Variants in GPHN observed in about 807,000 individuals in gnomAD.
GPHN encodes gephyrin.
A neutral mutation model predicts 95.5 loss-of-function variants in GPHN; 17 were observed. That is an observed-to-expected ratio of 0.18 (90% confidence interval 0.12 to 0.27). GPHN has a LOEUF of 0.27. GPHN is among the 10% of genes least tolerant of loss of function. The probability of loss-of-function intolerance (pLI) is 1.00; values close to 1 mark genes in which losing one functional copy is unlikely to be tolerated. For missense variants in GPHN, 660 were observed against 978.1 expected (o/e 0.67, Z 4.34); for synonymous variants, 320 against 322.5 (o/e 0.99, Z 0.08).
At chr14:67,395,168 C>T in the GPHN span, among the ~76,000 whole-genome samples, 76 of 152,126 alleles carry the variant, frequency 5.0e-4, no homozygotes, top group Non-Finnish European at 9.3e-4. Context: ...TGGAGGTGTG[C>T]AGAGGTGGCA....
chr14:67,502,447 A>T, the GPHN span, among the ~76,000 whole-genome samples: 1 of 136,470 alleles, frequency 7.3e-6, no homozygotes, highest in African/African-American at 2.6e-5. Context: ...ATCACCCAGA[A>T]GGTGATTTCT....
chr14:67,261,812 T>A, the GPHN span, among the ~76,000 whole-genome samples: 1 of 152,080 alleles, frequency 6.6e-6, no homozygotes, highest in Non-Finnish European at 1.5e-5. Flanking sequence ...GTTACCACAA[T>A]CAGGTACTAA....
At chr14:67,254,645 G>A in the GPHN span, among the ~76,000 whole-genome samples, 1 of 152,130 alleles carries the variant, frequency 6.6e-6, no homozygotes, top group Non-Finnish European at 1.5e-5. Flanking sequence ...GATAGCACCA[G>A]ATATGAGTCC....
intron 11 of GPHN, among the ~76,000 whole-genome samples, chr14:67,088,721 A>C (rs146324093): frequency 6.6e-6 from 1 of 152,348 alleles, no homozygotes; most frequent in African/African-American, 2.4e-5. Flanking sequence ...ACATCAACTG[A>C]GCACATCTTT....
chr14:66,943,531 T>G (rs1484738263), intron 8 of GPHN, among the ~76,000 whole-genome samples: 1 of 152,244 alleles, frequency 6.6e-6, no homozygotes, highest in Non-Finnish European at 1.5e-5. Context: ...ACCTAGCACC[T>G]GACCTGCATA....
At chr14:66,754,731 C>T (rs2058497039) in intron 2 of GPHN, among the ~76,000 whole-genome samples, 1 of 151,882 alleles carries the variant, frequency 6.6e-6, no homozygotes, top group Admixed American at 6.6e-5. Context: ...CTAATTTTTC[C>T]TCCATTAAAA....
the GPHN span, among the ~76,000 whole-genome samples, chr14:67,595,851 G>A: frequency 6.6e-6 from 1 of 152,220 alleles, no homozygotes; most frequent in South Asian, 2.1e-4. Context: ...GACAAGAGCC[G>A]GAATCAAATG....
chr14:66,864,323 G>A (rs2063147961), intron 4 of GPHN, among the ~76,000 whole-genome samples: 1 of 152,124 alleles, frequency 6.6e-6, no homozygotes, highest in African/African-American at 2.4e-5. Flanking sequence ...AACAAATACT[G>A]GTGAGGACTA....
intron 1 of GPHN, among the ~76,000 whole-genome samples, chr14:66,511,182 A>T (rs2058027801): frequency 6.6e-6 from 1 of 152,146 alleles, no homozygotes. Context: ...GTCTTGCCTG[A>T]TATACCATAT....
At chr14:67,164,122 G>C (rs1356984839) in intron 19 of GPHN, among the ~76,000 whole-genome samples, 1 of 151,686 alleles carries the variant, frequency 6.6e-6, no homozygotes, top group Non-Finnish European at 1.5e-5. Flanking sequence ...AACAAAATTA[G>C]CCGGGCGTGG....
the GPHN span, among the ~76,000 whole-genome samples, chr14:67,673,139 T>TA: frequency 1.6e-4 from 24 of 152,326 alleles, no homozygotes; most frequent in Middle Eastern, 6.8e-3. Context: ...GGTCAGGAGT[T>TA]AGAGATCAGC....
chr14:67,102,717 T>G (rs1305295137), intron 13 of GPHN, among the ~76,000 whole-genome samples: 1 of 152,120 alleles, frequency 6.6e-6, no homozygotes, highest in Non-Finnish European at 1.5e-5. Flanking sequence ...ATAATAATTT[T>G]TAAAATGAAG....
chr14:67,329,034 T>TGG, the GPHN span, among the ~76,000 whole-genome samples: 1 of 152,216 alleles, frequency 6.6e-6, no homozygotes, highest in Admixed American at 6.5e-5. Context: ...GGTAGCTTGA[T>TGG]GGGGATGGCA....
chr14:67,177,500 A>G (rs1318959288), intron 21 of GPHN, among the ~76,000 whole-genome samples: 1 of 152,174 alleles, frequency 6.6e-6, no homozygotes, highest in Non-Finnish European at 1.5e-5. Context: ...ACTTCCAATT[A>G]TGTGGTCAAT....
At chr14:67,644,320 T>C in the GPHN span, among the ~76,000 whole-genome samples, 1 of 152,224 alleles carries the variant, frequency 6.6e-6, no homozygotes. Context: ...GTATTATTAT[T>C]ATCCCTATCT....
chr14:66,623,928 C>T (rs2063416479), intron 1 of GPHN, among the ~76,000 whole-genome samples: 1 of 152,154 alleles, frequency 6.6e-6, no homozygotes, highest in Admixed American at 6.5e-5. Flanking sequence ...AGCGAGGTTG[C>T]TTTCCAAATA....
chr14:66,818,814 C>T (rs542744178), intron 3 of GPHN, among the ~76,000 whole-genome samples: 1,928 of 152,064 alleles, frequency 0.013, 20 homozygotes, highest in Non-Finnish European at 0.018. Flanking sequence ...GATGATATCT[C>T]GTTGTTTTGA....
chr14:67,374,066 T>C, the GPHN span, among the ~76,000 whole-genome samples: 1 of 152,154 alleles, frequency 6.6e-6, no homozygotes, highest in East Asian at 1.9e-4. Context: ...AAAAATTTAT[T>C]TCTGAAAACA....
At chr14:67,186,608 G>A (rs571925385), downstream of GPHN, among the ~76,000 whole-genome samples, 41 of 152,250 alleles carry the variant, frequency 2.7e-4, 1 homozygote, top group South Asian at 1.9e-3. Flanking sequence ...ACGAGAGGGC[G>A]CTGCCCAGTT....
Sources: allele counts gnomAD v4.1 joint callset (sites outside exome capture counted in the v4.1 genomes callset), GRCh38; gene constraint gnomAD v4.1.1; transcripts MANE v1.5; gene names NCBI Gene and HGNC (gene_info 2026-07-23, HGNC 2026-07-21).